MYBPC1: variants seen among roughly 807,000 people sequenced by gnomAD.
MYBPC1 encodes myosin binding protein C1.
MYBPC1 carries 52 observed loss-of-function variants against 147.1 expected under a neutral mutation model. That is an observed-to-expected ratio of 0.35 (90% CI 0.28 to 0.45). The LOEUF (loss-of-function observed/expected upper bound fraction) is 0.45, where lower values mean the gene tolerates loss of function less well. MYBPC1 is among the 20% of genes least tolerant of loss of function. MYBPC1 has a pLI of 1.00. For synonymous variants in MYBPC1, 477 were observed against 475.9 expected, an observed-to-expected ratio of 1.00 and a Z score of -0.03; for missense variants, 1,228 against 1,440.3, an observed-to-expected ratio of 0.85 and a Z score of 2.39.
chr12:101,670,174 A>G (rs1209926104), intron 23 of MYBPC1, 147 bp from the exon 24 acceptor site: 2 of 748,438 alleles, frequency 2.7e-6, no homozygotes, highest in East Asian at 5.0e-5. Context: ...CAGTTACTAT[A>G]TATCGTCTGT....
chr12:101,642,324 T>C, intron 10 of MYBPC1, 95 bp from the exon 11 acceptor site: 3 of 1,336,694 alleles, frequency 2.2e-6, no homozygotes, highest in Non-Finnish European at 3.2e-6. Context: ...AGAGCTTTTT[T>C]ACACTGAACT....
intron 1 of MYBPC1, among the ~76,000 whole-genome samples, chr12:101,613,989 A>G (rs183578246): frequency 6.6e-6 from 1 of 152,310 alleles, no homozygotes; most frequent in Admixed American, 6.5e-5. Flanking sequence ...CTTTCTGGGA[A>G]AAAGGGGTCT....
intron 18 of MYBPC1, among the ~76,000 whole-genome samples, chr12:101,657,063 T>A (rs1240878418): frequency 6.6e-6 from 1 of 151,970 alleles, no homozygotes; most frequent in East Asian, 1.9e-4. Context: ...TAAAAATCAA[T>A]ACATAACAGA....
intron 18 of MYBPC1, among the ~76,000 whole-genome samples, chr12:101,656,200 T>C (rs1895509962): frequency 6.6e-6 from 1 of 151,962 alleles, no homozygotes; most frequent in African/African-American, 2.4e-5. Context: ...AAAATTAATA[T>C]GCTAATAAAG....
chr12:101,692,217 G>A, the MYBPC1 span, among the ~76,000 whole-genome samples: 18,510 of 152,126 alleles, frequency 0.12, 2,339 homozygotes, highest in African/African-American at 0.33. Flanking sequence ...AGTGAGGGAA[G>A]TTGGACTTTA....
At position 101,685,667 on chromosome 12, in the gene MYBPC1, T is replaced by C; in HGVS notation, c.*105T>C. On this transcript the variant is annotated 3_prime_UTR_variant, in exon 32 of 32. Coordinates refer to ENST00000361466, the MANE Select transcript of MYBPC1 (RefSeq NM_002465.4). ...ATCTGCGAGACTTACACTCAAGCAA[T>C]CCTGAGGAATACTGAGGGAGGGCCT... 1.3e-6 allele frequency: 2 copies of C among 1,525,438 alleles called. No individual in the cohort carries two copies. Among genetic ancestry groups the C allele is most frequent in the Non-Finnish European group, 1.8e-6 (2 of 1,137,456 alleles). 94.5% of individuals were successfully genotyped at this position (1,525,438 alleles called of 1,614,324 possible). A position where few individuals can be genotyped will look rare whatever the true frequency, so the allele number is the denominator to read the frequency against.
intron 21 of MYBPC1, 78 bp from the exon 22 acceptor site, chr12:101,663,348 C>G (rs1482362586): frequency 1.6e-6 from 2 of 1,242,780 alleles, no homozygotes; most frequent in African/African-American, 2.9e-5. Context: ...ATTTGTATCC[C>G]CATTGGTTTT....
intron 27 of MYBPC1, 73 bp from the exon 28 acceptor site, chr12:101,678,027 TAA>T: frequency 6.5e-7 from 1 of 1,538,304 alleles, no homozygotes; most frequent in Non-Finnish European, 9.0e-7. Flanking sequence ...TAATCATGTG[TAA>T]AGTATGCCAC....
chr12:101,681,555 C>CATATATAT (rs1206495774), intron 29 of MYBPC1, among the ~76,000 whole-genome samples: 593 of 23,092 alleles, frequency 0.026, 16 homozygotes, highest in Middle Eastern at 0.056. Flanking sequence ...AAATAACTTT[C>CATATATAT]ATATATATAT....
intron 1 of MYBPC1, among the ~76,000 whole-genome samples, chr12:101,611,354 G>A (rs1241029941): frequency 6.6e-6 from 1 of 152,226 alleles, no homozygotes; most frequent in Non-Finnish European, 1.5e-5. Context: ...AGACAAAATG[G>A]AAATGGAGAA....
intron 2 of MYBPC1, among the ~76,000 whole-genome samples, chr12:101,615,953 C>T (rs825084): frequency 0.54 from 81,670 of 151,582 alleles, 23,688 homozygotes; most frequent in African/African-American, 0.76. Flanking sequence ...CAAGCTGGAG[C>T]GCAGTGGCAC....
intron 29 of MYBPC1, 106 bp downstream of exon 29, chr12:101,680,635 C>A: frequency 1.4e-6 from 2 of 1,418,136 alleles, no homozygotes; most frequent in Non-Finnish European, 2.0e-6. Flanking sequence ...CAAAATGCTG[C>A]AGCGAGGGTG....
intron 26 of MYBPC1, among the ~76,000 whole-genome samples, chr12:101,676,155 T>G (rs1899939623): frequency 6.6e-6 from 1 of 152,206 alleles, no homozygotes; most frequent in African/African-American, 2.4e-5. Context: ...AAGACAATTC[T>G]TTTTCCAGGG....
intron 14 of MYBPC1, 40 bp downstream of exon 14, chr12:101,648,190 A>C (rs1241149867): frequency 7.4e-7 from 1 of 1,354,806 alleles, no homozygotes; most frequent in Non-Finnish European, 9.9e-7. Flanking sequence ...TTTAATAGAC[A>C]AAAAAATTGG....
At chr12:101,688,366 CAA>C (rs1951379064), downstream of MYBPC1, among the ~76,000 whole-genome samples, 1 of 152,028 alleles carries the variant, frequency 6.6e-6, no homozygotes, top group Non-Finnish European at 1.5e-5. Context: ...TTGCAGTGAG[CAA>C]AGATTGCACC....
intron 15 of MYBPC1, among the ~76,000 whole-genome samples, chr12:101,650,540 T>C (rs925930311): frequency 6.6e-6 from 1 of 152,154 alleles, no homozygotes; most frequent in Non-Finnish European, 1.5e-5. Flanking sequence ...TCATGAGAAC[T>C]CAGTCACTAT....
chr12:101,615,153 GAC>G (rs1282309131), intron 2 of MYBPC1, among the ~76,000 whole-genome samples: 3 of 152,196 alleles, frequency 2.0e-5, no homozygotes, highest in Admixed American at 2.0e-4. Context: ...AGTCCCCTAT[GAC>G]ACACAATATA....
intron 22 of MYBPC1, 41 bp from the exon 23 acceptor site, chr12:101,667,691 C>T (rs1205675381): frequency 2.5e-6 from 4 of 1,610,394 alleles, no homozygotes; most frequent in Non-Finnish European, 3.4e-6. Flanking sequence ...TTTCACTAAA[C>T]AGCATTCCTC....
chr12:101,681,579 TATATATATATATA>T (rs1352784630), intron 29 of MYBPC1, among the ~76,000 whole-genome samples: 12 of 28,990 alleles, frequency 4.1e-4, no homozygotes, highest in African/African-American at 7.1e-4. Flanking sequence ...TATATATATA[TATATATATATATA>T]TTTTTTTTTT....
Sources: gnomAD v4.1 joint callset for allele counts (sites outside exome capture counted in the v4.1 genomes callset) on GRCh38, gnomAD v4.1.1 for gene constraint, MANE v1.5 for transcripts, NCBI Gene and HGNC (gene_info 2026-07-23, HGNC 2026-07-21) for gene names.